CUX2: variants seen among roughly 807,000 people sequenced by gnomAD.
The protein encoded by CUX2 is homeobox protein cut-like 2.
Under a neutral mutation model 144.8 loss-of-function variants are expected in CUX2, and 40 were observed. The ratio of observed to expected loss-of-function variants is 0.28; its 90% CI spans 0.21 to 0.36. CUX2 has a LOEUF of 0.36. CUX2 is among the 10% of genes least tolerant of loss of function. The probability of loss-of-function intolerance (pLI) is 1.00; values close to 1 mark genes in which losing one functional copy is unlikely to be tolerated. For missense variants in CUX2, 1,615 were observed against 1,994.0 expected (o/e 0.81, Z 3.62); for synonymous variants, 827 against 875.6 (o/e 0.94, Z 0.98).
chr12:111,120,095 A>G (rs1348809564), intron 1 of CUX2, among the ~76,000 whole-genome samples: 1 of 152,164 alleles, frequency 6.6e-6, no homozygotes. Context: ...AGAATTGCAA[A>G]AGGGAATAGC....
intron 4 of CUX2, among the ~76,000 whole-genome samples, chr12:111,284,721 G>C (rs1885286623): frequency 6.6e-6 from 1 of 152,162 alleles, no homozygotes; most frequent in Non-Finnish European, 1.5e-5. Context: ...CGCACTTTGA[G>C]CTCACCTCCC....
At chr12:111,174,771 G>A (rs1048643754) in intron 1 of CUX2, among the ~76,000 whole-genome samples, 5 of 152,240 alleles carry the variant, frequency 3.3e-5, no homozygotes, top group Non-Finnish European at 7.3e-5. Context: ...GTGAACCCTA[G>A]ACAGCAACCA....
rs1318325530 is a variant in CUX2, at chr12:111,348,082, C to T, written c.4218C>T (p.Leu1406=). The T allele has an allele frequency of 6.2e-7, 1 of 1,614,018 alleles. No individual in the cohort carries two copies. Among genetic ancestry groups the T allele is most frequent in the Non-Finnish European group, 8.5e-7 (1 of 1,180,034 alleles). Residue 1406 remains leucine (L), a synonymous_variant, in exon 22 of 22, where the codon CTC becomes CTT. Coordinates refer to ENST00000261726, the MANE Select transcript of CUX2 (RefSeq NM_015267.4). The part of the protein sequence containing the change: ...NSPSAASSPG[L]MMSVSPVPSS... ...CCTCGGCCGCCTCCTCACCAGGCCT[C>T]ATGATGTCTGTGTCACCTGTCCCCT...
At chr12:111,174,730 CCAGA>C (rs1878743802) in intron 1 of CUX2, among the ~76,000 whole-genome samples, 1 of 152,128 alleles carries the variant, frequency 6.6e-6, no homozygotes, top group African/African-American at 2.4e-5. Context: ...CCTCTGGTGA[CCAGA>C]CAAAGGGAAC....
intron 1 of CUX2, among the ~76,000 whole-genome samples, chr12:111,137,597 C>T (rs765452578): frequency 1.3e-5 from 2 of 152,078 alleles, no homozygotes; most frequent in Admixed American, 6.5e-5. Context: ...ACTACAGTCT[C>T]GACCTCCCCA....
intron 4 of CUX2, among the ~76,000 whole-genome samples, chr12:111,286,846 G>C (rs143622723): frequency 6.6e-6 from 1 of 152,284 alleles, no homozygotes; most frequent in East Asian, 1.9e-4. Context: ...TCCAGCCTGG[G>C]CAACAGAGCA....
intron 5 of CUX2, among the ~76,000 whole-genome samples, chr12:111,292,461 A>G (rs1398877890): frequency 6.6e-6 from 1 of 152,140 alleles, no homozygotes; most frequent in Non-Finnish European, 1.5e-5. Flanking sequence ...TTGGTGGCTC[A>G]CACCTGTAAT....
intron 3 of CUX2, among the ~76,000 whole-genome samples, chr12:111,221,022 G>A (rs915679327): frequency 6.6e-6 from 1 of 151,660 alleles, no homozygotes; most frequent in African/African-American, 2.4e-5. Flanking sequence ...GCACACCGTT[G>A]GTGCTCAGTA....
chr12:111,172,240 CAGAG>C (rs1379398209), intron 1 of CUX2, among the ~76,000 whole-genome samples: 1 of 152,178 alleles, frequency 6.6e-6, no homozygotes, highest in African/African-American at 2.4e-5. Flanking sequence ...CAATTTCTGT[CAGAG>C]AGACGCAGAG....
At chr12:111,101,165 CG>C in intron 1 of CUX2, among the ~76,000 whole-genome samples, 1 of 152,310 alleles carries the variant, frequency 6.6e-6, no homozygotes, top group African/African-American at 2.4e-5. Context: ...ACTCACCCCT[CG>C]TGATGAGGAC....
At chr12:111,089,119 C>T (rs1274082421) in intron 1 of CUX2, among the ~76,000 whole-genome samples, 1 of 152,204 alleles carries the variant, frequency 6.6e-6, no homozygotes, top group African/African-American at 2.4e-5. Context: ...TGCAGTTCTC[C>T]CTAGCTCCAG....
chr12:111,298,057 G>T (rs1565900169), intron 8 of CUX2, among the ~76,000 whole-genome samples: 1 of 152,114 alleles, frequency 6.6e-6, no homozygotes, highest in Non-Finnish European at 1.5e-5. Flanking sequence ...TGTGGCCTTG[G>T]GTCACAAAGT....
At chr12:111,173,123 A>T (rs1878646204) in intron 1 of CUX2, among the ~76,000 whole-genome samples, 1 of 152,086 alleles carries the variant, frequency 6.6e-6, no homozygotes. Context: ...TCAGGGAGAG[A>T]GAGGTTTGTT....
chr12:111,220,074 G>T (rs1881761036), intron 3 of CUX2, among the ~76,000 whole-genome samples: 1 of 151,950 alleles, frequency 6.6e-6, no homozygotes, highest in Non-Finnish European at 1.5e-5. Flanking sequence ...AACCCAGGAG[G>T]CGGAGGTTGC....
chr12:111,133,700 C>G (rs1262800012), intron 1 of CUX2, among the ~76,000 whole-genome samples: 1 of 152,068 alleles, frequency 6.6e-6, no homozygotes, highest in East Asian at 1.9e-4. Flanking sequence ...AGTCTAGAAG[C>G]AAAGAGGTGG....
At chr12:111,227,343 T>C (rs1882206109) in intron 3 of CUX2, among the ~76,000 whole-genome samples, 2 of 152,042 alleles carry the variant, frequency 1.3e-5, no homozygotes, top group Admixed American at 1.3e-4. Context: ...TGGAGCTGGG[T>C]TCAAATCGCA....
At chr12:111,342,816 G>A (rs1156375573) in intron 21 of CUX2, among the ~76,000 whole-genome samples, 7 of 151,890 alleles carry the variant, frequency 4.6e-5, no homozygotes, top group Admixed American at 4.6e-4. Flanking sequence ...AAAATTAGCT[G>A]GACGTGGTGG....
At chr12:111,225,661 A>G (rs1882099071) in intron 3 of CUX2, among the ~76,000 whole-genome samples, 1 of 152,316 alleles carries the variant, frequency 6.6e-6, no homozygotes, top group East Asian at 1.9e-4. Flanking sequence ...GAGGATGGTG[A>G]TTCTAGATTT....
chr12:111,146,960 C>G (rs1331936991), intron 1 of CUX2, among the ~76,000 whole-genome samples: 1 of 152,052 alleles, frequency 6.6e-6, no homozygotes, highest in Admixed American at 6.6e-5. Flanking sequence ...ATGGTGAAAC[C>G]CTGTCTCTAT....
Sources: gnomAD v4.1 joint callset for allele counts (sites outside exome capture counted in the v4.1 genomes callset) on GRCh38, gnomAD v4.1.1 for gene constraint, MANE v1.5 for transcripts, NCBI Gene and HGNC (gene_info 2026-07-23, HGNC 2026-07-21) for gene names.